VGLL4: variants seen among roughly 807,000 people sequenced by gnomAD.
The protein encoded by VGLL4 is vestigial like family member 4.
A neutral mutation model predicts 21.0 loss-of-function variants in VGLL4; 7 were observed. The observed-to-expected ratio is 0.33, with a 90% confidence interval of 0.19 to 0.63. The LOEUF is 0.63. VGLL4 is among the 20% of genes least tolerant of loss of function. VGLL4 has a pLI of 0.78. For synonymous variants in VGLL4, 222 were observed against 173.2 expected, an observed-to-expected ratio of 1.28 and a Z score of -2.21; for missense variants, 394 against 425.7, an observed-to-expected ratio of 0.93 and a Z score of 0.66.
Position 11,693,226 on chromosome 3 carries a change from G to A in VGLL4, c.64+9745C>T, listed in dbSNP as rs78853479. 1,460 of 163,944 alleles carry A rather than the reference G, an allele frequency of 8.9e-3. 20 individuals are homozygous for A. The highest frequency in any genetic ancestry group is 0.03 in the African/African-American group (1,267 of 41,780). The allele number at this position is 163,944 out of a possible 1,614,324, so 10.2% of individuals were successfully genotyped here. A position where few individuals can be genotyped will look rare whatever the true frequency, so the allele number is the denominator to read the frequency against. ...GTAAACTACAAAGTATTATCAAATA[G>A]AAATAGTATTCCTTGGAATTTGTAC... On this transcript the variant is annotated intron_variant, in intron 2 of 5. Coordinates refer to the VGLL4 transcript ENST00000273038.
At chr3:11,571,192 CCATCCTCGCTGGCAGGGACA>C (rs1228441086) in intron 2 of VGLL4, among the ~76,000 whole-genome samples, 2 of 152,180 alleles carry the variant, frequency 1.3e-5, no homozygotes, top group Non-Finnish European at 2.9e-5. Context: ...ATAGCGGGGT[CCATCCTCGCTGGCAGGGACA>C]CAGGGCAGAG....
At chr3:11,616,171 T>C (rs2075159069) in intron 1 of VGLL4, among the ~76,000 whole-genome samples, 1 of 150,396 alleles carries the variant, frequency 6.6e-6, no homozygotes, top group Non-Finnish European at 1.5e-5. Flanking sequence ...CCACTGCTCC[T>C]GAGGTGTGGT....
chr3:11,616,442 T>G (rs941262457), intron 1 of VGLL4, among the ~76,000 whole-genome samples: 2 of 152,202 alleles, frequency 1.3e-5, no homozygotes, highest in African/African-American at 2.4e-5. Context: ...ACCCAGCTCA[T>G]TCCCTAGGGC....
intron 3 of VGLL4, among the ~76,000 whole-genome samples, chr3:11,560,917 G>A (rs985297357): frequency 3.9e-5 from 6 of 152,150 alleles, no homozygotes; most frequent in African/African-American, 1.2e-4. Flanking sequence ...AGACAGGCTC[G>A]GAAAGGGGGT....
intron 2 of VGLL4, among the ~76,000 whole-genome samples, chr3:11,659,411 A>G (rs2076005422): frequency 7.7e-6 from 1 of 129,268 alleles, no homozygotes; most frequent in Admixed American, 9.6e-5. Flanking sequence ...GGCTCACCGC[A>G]ACCTCCACCT....
At chr3:11,655,978 G>A (rs796354266) in intron 2 of VGLL4, among the ~76,000 whole-genome samples, 31 of 152,314 alleles carry the variant, frequency 2.0e-4, no homozygotes, top group African/African-American at 7.0e-4. Context: ...GAGAGCTCCA[G>A]AATCTAAGCT....
At chr3:11,704,240 G>A (rs1014503112) in intron 1 of VGLL4, among the ~76,000 whole-genome samples, 1 of 151,646 alleles carries the variant, frequency 6.6e-6, no homozygotes, top group African/African-American at 2.4e-5. Context: ...AAAATTAGCC[G>A]GGTATGGTGG....
At chr3:11,689,802 G>A (rs2076501369) in intron 2 of VGLL4, among the ~76,000 whole-genome samples, 1 of 152,182 alleles carries the variant, frequency 6.6e-6, no homozygotes, top group South Asian at 2.1e-4. Context: ...TCCAATGATG[G>A]GCTTTGCTTT....
At chr3:11,588,713 G>A (rs563251831) in intron 2 of VGLL4, among the ~76,000 whole-genome samples, 1 of 152,268 alleles carries the variant, frequency 6.6e-6, no homozygotes, top group Non-Finnish European at 1.5e-5. Context: ...CAAATGGAAA[G>A]AGAGTTGTAT....
intron 1 of VGLL4, among the ~76,000 whole-genome samples, chr3:11,637,717 T>G (rs2075614535): frequency 6.6e-6 from 1 of 152,070 alleles, no homozygotes; most frequent in Non-Finnish European, 1.5e-5. Context: ...TTACAGAACA[T>G]GTAACATTCA....
At chr3:11,703,180 T>G (rs1221129817) in intron 1 of VGLL4, 1 of 740,078 alleles carries the variant, frequency 1.4e-6, no homozygotes. Flanking sequence ...TCTTCCCACA[T>G]GAGGAAACAG....
intron 2 of VGLL4, among the ~76,000 whole-genome samples, chr3:11,700,431 T>G (rs888809745): frequency 6.6e-6 from 1 of 152,112 alleles, no homozygotes; most frequent in Non-Finnish European, 1.5e-5. Flanking sequence ...AGTCTGCAAA[T>G]AGCTATTCAA....
chr3:11,600,166 C>T (rs773782367), intron 2 of VGLL4, among the ~76,000 whole-genome samples: 10 of 152,040 alleles, frequency 6.6e-5, no homozygotes, highest in African/African-American at 9.7e-5. Context: ...AACTCTAGTC[C>T]TCGTAATAGC....
chr3:11,719,882 C>T lies in VGLL4; in HGVS notation c.-14+512G>A, dbSNP rs111873065. On this transcript the variant is annotated intron_variant, in intron 1 of 5. Transcript: ENST00000273038. This position sits in a 1 kb window ranked among gnomAD's most constrained non-coding sequence, Gnocchi z 4.0. ...GCAGTGAGGTTTGTCGGGGCGGGCGCTCCCGAGAGGCGCCAGCGGGCAGGG... is the reference window on the plus strand; with the variant it reads ...GCAGTGAGGTTTGTCGGGGCGGGCGTTCCCGAGAGGCGCCAGCGGGCAGGG... Among the ~76,000 whole-genome samples, 8,030 of 152,192 alleles carry T rather than the reference C, an allele frequency of 0.053. 283 individuals are homozygous for T. The highest frequency in any genetic ancestry group is 0.075 in the Non-Finnish European group (5,090 of 67,962).
intron 1 of VGLL4, among the ~76,000 whole-genome samples, chr3:11,631,039 A>G (rs2075464994): frequency 6.6e-6 from 1 of 152,256 alleles, no homozygotes; most frequent in Non-Finnish European, 1.5e-5. Flanking sequence ...GTATACGCAT[A>G]AGACGACAAT....
intron 2 of VGLL4, among the ~76,000 whole-genome samples, chr3:11,688,003 G>C (rs575275215): frequency 6.6e-6 from 1 of 152,138 alleles, no homozygotes; most frequent in South Asian, 2.1e-4. Flanking sequence ...ACAAATAGGT[G>C]CCGAATTTCA....
Position 11,564,898 on chromosome 3 carries a change from T to C in VGLL4, c.394A>G (p.Ser132Gly). 2 of 1,607,012 alleles carry C rather than the reference T, an allele frequency of 1.2e-6. No homozygotes were observed. The highest frequency in any genetic ancestry group is 1.7e-6 in the Non-Finnish European group (2 of 1,177,456). ...GCGAGGGGCTGCTCCAGGCCAAGGC[T>C]GGGGAGGGAGGTGTACAGGTGGCTG... is the stretch of plus-strand genomic sequence containing the variant. ...HGSHLYTSLP[S>G]LGLEQPLALT... The change falls in exon 3 of 5, where the codon AGC becomes GGC. Residue 132 changes from serine (S) to glycine (G), a missense_variant. Transcript: ENST00000430365.
chr3:11,633,209 A>T (rs2075517247), intron 1 of VGLL4: 2 of 152,228 alleles, frequency 1.3e-5, no homozygotes, highest in Admixed American at 1.3e-4. Context: ...TCATAAGGAG[A>T]CAACACTTGC....
chr3:11,706,141 A>C (rs2076758166), intron 1 of VGLL4, among the ~76,000 whole-genome samples: 1 of 152,262 alleles, frequency 6.6e-6, no homozygotes, highest in Non-Finnish European at 1.5e-5. Flanking sequence ...TAAAAGTATC[A>C]AATGACATAA....
Sources: allele counts gnomAD v4.1 joint callset (sites outside exome capture counted in the v4.1 genomes callset), GRCh38; gene constraint gnomAD v4.1.1; non-coding constraint Gnocchi (gnomAD v3.1); transcripts MANE v1.5; gene names NCBI Gene and HGNC (gene_info 2026-07-23, HGNC 2026-07-21).